Variants in FSTL4 observed in about 807,000 individuals in gnomAD.
The protein encoded by FSTL4 is follistatin-related protein 4.
Under a neutral mutation model 78.2 loss-of-function variants are expected in FSTL4, and 28 were observed. The observed-to-expected ratio is 0.36, with a 90% CI of 0.27 to 0.49. FSTL4 has a LOEUF of 0.49. Among genes scored for constraint, FSTL4 ranks in the 20% least tolerant of loss-of-function variants. FSTL4 has a pLI of 0.98. For synonymous variants in FSTL4, 422 were observed against 440.5 expected (o/e 0.96, Z 0.53); for missense variants, 922 against 1,084.9 (o/e 0.85, Z 2.11).
chr5:133,491,483 T>C (rs1314443482), intron 3 of FSTL4, among the ~76,000 whole-genome samples: 2 of 151,070 alleles, frequency 1.3e-5, no homozygotes, highest in African/African-American at 4.9e-5. Flanking sequence ...CACTGCAAGC[T>C]CCACCTCCCA....
intron 4 of FSTL4, among the ~76,000 whole-genome samples, chr5:133,332,226 A>T (rs1284648493): frequency 1.3e-5 from 2 of 152,226 alleles, no homozygotes; most frequent in Admixed American, 6.5e-5. Flanking sequence ...GAACACCGGG[A>T]AAGGAGCGAA....
At chr5:133,679,289 A>T in the FSTL4 span, among the ~76,000 whole-genome samples, 5 of 152,022 alleles carry the variant, frequency 3.3e-5, no homozygotes, top group African/African-American at 1.2e-4. Flanking sequence ...CATAAACCAC[A>T]TTCTCGGTAC....
intron 4 of FSTL4, among the ~76,000 whole-genome samples, chr5:133,363,003 C>T (rs1446264153): frequency 1.3e-5 from 2 of 152,130 alleles, no homozygotes; most frequent in African/African-American, 4.8e-5. Flanking sequence ...CTATAGCTGT[C>T]AGCCCTTTAG....
chr5:133,535,055 G>T (rs1046547630), intron 3 of FSTL4, among the ~76,000 whole-genome samples: 3 of 152,178 alleles, frequency 2.0e-5, no homozygotes, highest in Non-Finnish European at 4.4e-5. Flanking sequence ...CGTAAGGAGG[G>T]GGGTTATCTG....
the FSTL4 span, among the ~76,000 whole-genome samples, chr5:133,787,139 G>A: frequency 5.3e-5 from 8 of 152,192 alleles, no homozygotes; most frequent in African/African-American, 1.9e-4. Context: ...TTAGGGTAAA[G>A]TTGCCAGATT....
At chr5:133,357,362 C>T (rs1160019078) in intron 4 of FSTL4, among the ~76,000 whole-genome samples, 1 of 152,142 alleles carries the variant, frequency 6.6e-6, no homozygotes, top group Admixed American at 6.5e-5. Flanking sequence ...TCTTCTGCCC[C>T]CAAGGCAGAA....
intron 3 of FSTL4, among the ~76,000 whole-genome samples, chr5:133,555,719 A>G (rs1174724300): frequency 7.2e-5 from 11 of 152,212 alleles, no homozygotes; most frequent in Non-Finnish European, 1.5e-5. Context: ...TTTCCGCTGA[A>G]GTTTCTGAGC....
At chr5:133,702,018 G>A in the FSTL4 span, among the ~76,000 whole-genome samples, 1 of 152,158 alleles carries the variant, frequency 6.6e-6, no homozygotes, top group Non-Finnish European at 1.5e-5. Flanking sequence ...TTGACAGGCA[G>A]CCCCTGAAAC....
chr5:133,514,385 C>G (rs1417877990), intron 3 of FSTL4, among the ~76,000 whole-genome samples: 1 of 151,980 alleles, frequency 6.6e-6, no homozygotes, highest in Non-Finnish European at 1.5e-5. Context: ...GTGGAAAATG[C>G]ATTTGCATAA....
At chr5:133,407,121 G>A (rs1756382255) in intron 3 of FSTL4, among the ~76,000 whole-genome samples, 1 of 152,160 alleles carries the variant, frequency 6.6e-6, no homozygotes, top group African/African-American at 2.4e-5. Flanking sequence ...CCCACCTCAG[G>A]GACACATAGC....
rs765531350 is a variant in FSTL4 at position 133,199,182 on chromosome 5, G to T, written c.2442C>A (p.Phe814Leu). Residue 814 changes from phenylalanine to leucine, a missense_variant, in exon 16 of 16, where the codon TTC becomes TTA. Phe to Leu is a conservative substitution (Grantham distance 22). Coordinates refer to ENST00000265342, the MANE Select transcript of FSTL4 (RefSeq NM_015082.2). This position sits in a 1 kb window ranked among gnomAD's most constrained non-coding sequence, Gnocchi z 4.4. ...GCGTGTTTTGTCTCCCATTGATGAGGAACAGTGACTCTCGGGCTGGTGTGA... is the reference window on the plus strand; with the variant it reads ...GCGTGTTTTGTCTCCCATTGATGAGTAACAGTGACTCTCGGGCTGGTGTGA... ...YLLTPARESLFLINGRQNTLR... is the reference protein window; with the variant it reads ...YLLTPARESLLLINGRQNTLR... 4.3e-6 allele frequency: 7 copies of T among 1,611,246 alleles called. No individual in the cohort carries two copies. The highest frequency in any genetic ancestry group is 4.2e-6 in the Non-Finnish European group (5 of 1,177,844).
rs149919721 is a variant in FSTL4 at position 133,409,316 on chromosome 5, G to A, written c.161-8330C>T. ...GTTTCAAAGGCATCCCCTGACCTGG[G>A]CCCAATGCCAGCGTATCTTGCAAAC... is the stretch of plus-strand genomic sequence containing the variant. On this transcript the variant is annotated intron_variant, in intron 3 of 15. Coordinates refer to ENST00000265342, the MANE Select transcript of FSTL4 (RefSeq NM_015082.2). Among the ~76,000 whole-genome samples, 579 of 152,294 alleles carry A rather than the reference G, an allele frequency of 3.8e-3. 4 individuals carry two copies. Among genetic ancestry groups the A allele is most frequent in the African/African-American group, 0.013 (524 of 41,566 alleles).
intron 4 of FSTL4, among the ~76,000 whole-genome samples, chr5:133,371,249 C>G (rs1480845522): frequency 1.3e-5 from 2 of 152,238 alleles, no homozygotes; most frequent in East Asian, 1.9e-4. Flanking sequence ...CACTCCGAGA[C>G]TCTGACCACG....
intron 3 of FSTL4, among the ~76,000 whole-genome samples, chr5:133,501,554 A>T (rs1322150765): frequency 6.6e-6 from 1 of 152,192 alleles, no homozygotes; most frequent in Non-Finnish European, 1.5e-5. Flanking sequence ...ATGACATGGG[A>T]TCTATTTTTA....
At chr5:133,255,817 C>T (rs1312689902) in intron 6 of FSTL4, among the ~76,000 whole-genome samples, 1 of 152,204 alleles carries the variant, frequency 6.6e-6, no homozygotes, top group Non-Finnish European at 1.5e-5. Context: ...GAGGCCATAA[C>T]ATTTCAGTTG....
chr5:133,582,944 C>A (rs966005611), intron 2 of FSTL4, among the ~76,000 whole-genome samples: 8 of 152,160 alleles, frequency 5.3e-5, no homozygotes, highest in South Asian at 2.1e-4. Context: ...GGGTGCTCAT[C>A]CACCTAGATG....
chr5:133,259,230 T>G (rs1248357416), intron 6 of FSTL4, among the ~76,000 whole-genome samples: 1 of 151,948 alleles, frequency 6.6e-6, no homozygotes, highest in African/African-American at 2.4e-5. Flanking sequence ...AGAGAATATT[T>G]AAGTGAAGAT....
chr5:133,342,249 G>A (rs546061417), intron 4 of FSTL4, among the ~76,000 whole-genome samples: 3 of 152,124 alleles, frequency 2.0e-5, no homozygotes, highest in East Asian at 3.9e-4. Context: ...AGAGAGAGGC[G>A]GCAGAGGTAG....
intron 4 of FSTL4, among the ~76,000 whole-genome samples, chr5:133,385,432 T>G (rs1305920388): frequency 6.6e-6 from 1 of 152,202 alleles, no homozygotes; most frequent in Non-Finnish European, 1.5e-5. Flanking sequence ...TGATGTACAC[T>G]AGAGAAGCTC....
Sources: gnomAD v4.1 joint callset for allele counts (sites outside exome capture counted in the v4.1 genomes callset) on GRCh38, gnomAD v4.1.1 for gene constraint, Gnocchi (gnomAD v3.1) non-coding constraint, MANE v1.5 for transcripts, NCBI Gene and HGNC (gene_info 2026-07-23, HGNC 2026-07-21) for gene names.